The following CNTN5 variants were observed in gnomAD, a reference collection of about 807,000 sequenced individuals.
CNTN5 encodes the protein contactin-5.
Under a neutral mutation model 129.1 loss-of-function variants are expected in CNTN5, and 77 were observed. The ratio of observed to expected loss-of-function variants is 0.60; its 90% CI spans 0.50 to 0.72. CNTN5 has a LOEUF of 0.72. Among genes scored for constraint, CNTN5 ranks in the 30% least tolerant of loss-of-function variants. The probability of loss-of-function intolerance (pLI) is 0.00; values close to 1 mark genes in which losing one functional copy is unlikely to be tolerated. For missense variants in CNTN5, 1,478 were observed against 1,328.8 expected (o/e 1.11, Z -1.75); for synonymous variants, 509 against 465.6 (o/e 1.09, Z -1.20).
intron 3 of CNTN5, among the ~76,000 whole-genome samples, chr11:99,723,920 C>G (rs1048662675): frequency 6.6e-6 from 1 of 152,114 alleles, no homozygotes; most frequent in Non-Finnish European, 1.5e-5. Flanking sequence ...ATAGTGGAGC[C>G]AGAATTCCAG....
At chr11:99,780,628 A>G (rs1945279955) in intron 3 of CNTN5, among the ~76,000 whole-genome samples, 1 of 152,096 alleles carries the variant, frequency 6.6e-6, no homozygotes. Context: ...CTAATGGACA[A>G]TATTAAAATT....
rs1004405217 is a variant in CNTN5, at chr11:100,171,365, C to G, written c.1581-19761C>G. ...TTCCTATGAGATTTAGATATTTATG[C>G]AGACAACAGATTAAAAAGAACACGC... On this transcript the variant is annotated intron_variant, in intron 13 of 24. Transcript: ENST00000524871. Among the ~76,000 whole-genome samples the G allele has an allele frequency of 2.0e-5, 3 of 152,044 alleles. No homozygotes were observed. In the East Asian group the frequency reaches 5.8e-4, roughly 29 times the overall value.
At chr11:99,613,500 A>G (rs1304973878) in intron 3 of CNTN5, among the ~76,000 whole-genome samples, 1 of 152,218 alleles carries the variant, frequency 6.6e-6, no homozygotes, top group Non-Finnish European at 1.5e-5. Flanking sequence ...TAGCAGCATG[A>G]AAATAGACTT....
intron 1 of CNTN5, among the ~76,000 whole-genome samples, chr11:99,076,642 G>A (rs970698943): frequency 8.6e-5 from 13 of 152,010 alleles, no homozygotes; most frequent in Non-Finnish European, 1.8e-4. Context: ...TCATCCTATA[G>A]ATATATTCAC....
intron 1 of CNTN5, among the ~76,000 whole-genome samples, chr11:99,191,718 T>A (rs999921284): frequency 1.3e-5 from 2 of 151,528 alleles, no homozygotes; most frequent in African/African-American, 4.8e-5. Context: ...GAAAAACCAA[T>A]GAGTCGATAA....
intron 3 of CNTN5, among the ~76,000 whole-genome samples, chr11:99,805,938 T>G (rs1172334059): frequency 2.0e-5 from 3 of 152,192 alleles, no homozygotes; most frequent in African/African-American, 7.2e-5. Flanking sequence ...TTAAATGGGC[T>G]TAGGGACAAT....
chr11:99,926,593 TTTTTTGGCA>T (rs1950068068), intron 7 of CNTN5, among the ~76,000 whole-genome samples: 1 of 152,102 alleles, frequency 6.6e-6, no homozygotes, highest in African/African-American at 2.4e-5. Flanking sequence ...TGGACAAGAC[TTTTTTGGCA>T]TCTTTAATCT....
chr11:100,088,931 A>C (rs1370927681), intron 13 of CNTN5, among the ~76,000 whole-genome samples: 1 of 152,090 alleles, frequency 6.6e-6, no homozygotes, highest in Non-Finnish European at 1.5e-5. Context: ...AAGATACAAC[A>C]AAAAAGAAAG....
intron 10 of CNTN5, among the ~76,000 whole-genome samples, chr11:100,063,474 A>C (rs1269736183): frequency 6.6e-6 from 1 of 152,040 alleles, no homozygotes; most frequent in Non-Finnish European, 1.5e-5. Context: ...ATATATCTTG[A>C]AAGCATGTGA....
intron 13 of CNTN5, among the ~76,000 whole-genome samples, chr11:100,187,550 A>G (rs1008216334): frequency 6.6e-6 from 1 of 152,188 alleles, no homozygotes; most frequent in Non-Finnish European, 1.5e-5. Flanking sequence ...ACTATAGTAT[A>G]AGGTTACAGT....
intron 1 of CNTN5, among the ~76,000 whole-genome samples, chr11:99,253,626 T>C (rs1200347888): frequency 1.3e-5 from 2 of 151,920 alleles, no homozygotes; most frequent in Admixed American, 6.6e-5. Flanking sequence ...GATAATTGAC[T>C]CTTCCCACCC....
intron 1 of CNTN5, among the ~76,000 whole-genome samples, chr11:99,043,674 T>C (rs1864096114): frequency 6.6e-6 from 1 of 152,194 alleles, no homozygotes; most frequent in Non-Finnish European, 1.5e-5. Flanking sequence ...ATCATCATAA[T>C]TTGCTAATAT....
chr11:99,828,685 A>G (rs1456075647), intron 4 of CNTN5, among the ~76,000 whole-genome samples: 8 of 152,192 alleles, frequency 5.3e-5, no homozygotes, highest in African/African-American at 1.9e-4. Context: ...CTTTTATCCA[A>G]ATTTAAGTAA....
At chr11:99,355,831 T>G (rs74373752) in intron 2 of CNTN5, among the ~76,000 whole-genome samples, 46 of 150,360 alleles carry the variant, frequency 3.1e-4, no homozygotes, top group Admixed American at 4.6e-4. Context: ...GTTTTTTTTT[T>G]TTTTGTTTTT....
intron 2 of CNTN5, among the ~76,000 whole-genome samples, chr11:99,474,091 T>C (rs1945279114): frequency 1.3e-5 from 2 of 152,104 alleles, no homozygotes; most frequent in Non-Finnish European, 2.9e-5. Flanking sequence ...AGTACTTGCT[T>C]ACATTGTGAA....
chr11:99,769,884 C>T (rs541948680), intron 3 of CNTN5, among the ~76,000 whole-genome samples: 3 of 151,288 alleles, frequency 2.0e-5, no homozygotes, highest in African/African-American at 7.3e-5. Context: ...ATGGTATAGA[C>T]AAACAGCCTT....
chr11:99,251,072 C>A (rs1180241144), intron 1 of CNTN5, among the ~76,000 whole-genome samples: 1 of 151,866 alleles, frequency 6.6e-6, no homozygotes, highest in African/African-American at 2.4e-5. Flanking sequence ...GCCACAATAT[C>A]CATGAATCAG....
intron 15 of CNTN5, among the ~76,000 whole-genome samples, chr11:100,210,174 C>CAAAAAAAAA (rs59613776): frequency 7.4e-5 from 6 of 81,024 alleles, no homozygotes; most frequent in East Asian, 6.7e-4. Context: ...TGCCTCTATA[C>CAAAAAAAAA]AAAAAAAAAA....
intron 8 of CNTN5, among the ~76,000 whole-genome samples, chr11:99,982,784 G>T (rs1322688025): frequency 6.6e-6 from 1 of 152,082 alleles, no homozygotes; most frequent in Non-Finnish European, 1.5e-5. Flanking sequence ...GGGACTATAG[G>T]TGCCTGCCAC....
Sources: allele counts gnomAD v4.1 joint callset (sites outside exome capture counted in the v4.1 genomes callset), GRCh38; gene constraint gnomAD v4.1.1; transcripts MANE v1.5; gene names NCBI Gene and HGNC (gene_info 2026-07-23, HGNC 2026-07-21).